The following CLTB variants were observed in gnomAD, a reference collection of about 807,000 sequenced individuals.
The protein encoded by CLTB is clathrin light chain B, also known as clathrin, light chain (Lcb).
A neutral mutation model predicts 30.5 loss-of-function variants in CLTB; 10 were observed. The ratio of observed to expected loss-of-function variants is 0.33; its 90% confidence interval spans 0.20 to 0.56. CLTB has a LOEUF of 0.56. Ranked by LOEUF, CLTB falls within the 20% of genes least tolerant of loss-of-function variation. The pLI, the probability that CLTB is intolerant of heterozygous loss-of-function variation, is 0.91. For synonymous variants in CLTB, 102 were observed against 120.3 expected (o/e 0.85, Z 1.00); for missense variants, 261 against 308.3 (o/e 0.85, Z 1.15).
At chr5:176,415,817 C>G (rs1361055756) in intron 1 of CLTB, among the ~76,000 whole-genome samples, 1 of 152,136 alleles carries the variant, frequency 6.6e-6, no homozygotes, top group Non-Finnish European at 1.5e-5. Context: ...CTGTGTTCTG[C>G]CCACACCTGC....
rs1007440063 is a variant in CLTB at position 176,392,671 on chromosome 5, G to C, written c.*103C>G. 2.2e-6 allele frequency: 3 copies of C among 1,350,786 alleles called. No individual in the cohort carries two copies. Among genetic ancestry groups the C allele is most frequent in the Non-Finnish European group, 3.1e-6 (3 of 970,956 alleles). The allele number at this position is 1,350,786 out of a possible 1,614,324, so 83.7% of individuals were successfully genotyped here. A position where few individuals can be genotyped will look rare whatever the true frequency, so the allele number is the denominator to read the frequency against. On this transcript the variant is annotated 3_prime_UTR_variant, in exon 6 of 6. Coordinates refer to ENST00000310418, the MANE Select transcript of CLTB (RefSeq NM_007097.5). The surrounding 1 kb of genome is among the most constrained non-coding windows in gnomAD (Gnocchi z 5.2). ...CTGGAGATGGGGAGGAGTGGAATAG[G>C]CTGTGGGTAGCAGCTGCTGCGAGTC...
At chr5:176,395,948 G>A (rs187092676) in intron 5 of CLTB, among the ~76,000 whole-genome samples, 194 of 152,126 alleles carry the variant, frequency 1.3e-3, no homozygotes, top group African/African-American at 4.4e-3. Flanking sequence ...CAGCCTGGCC[G>A]ACATGGTGAA....
intron 5 of CLTB, among the ~76,000 whole-genome samples, chr5:176,396,027 C>T (rs1418459578): frequency 3.3e-5 from 5 of 152,076 alleles, no homozygotes; most frequent in African/African-American, 9.7e-5. Flanking sequence ...CTCAGCTACT[C>T]GGGAGGCTGA....
intron 2 of CLTB, chr5:176,406,135 A>G (rs904619727): frequency 4.1e-6 from 4 of 986,424 alleles, no homozygotes; most frequent in Non-Finnish European, 3.6e-6. Context: ...CACGGGCCAC[A>G]ACTGGGCTCT....
In CLTB at chr5:176,416,244, G is replaced by A. The variant is rs374168717; in HGVS notation, c.120C>T (p.Asn40=). ...QQESEIAGIE[N]DEGFGAPAGS... ...CGGCAGGTGCCCCGAAGCCCTCGTC[G>A]TTCTCTATGCCTGCAATCTCGCTCT... The change falls in exon 1 of 6, where the codon AAC becomes AAT. Residue 40 remains asparagine, a synonymous_variant. Transcript: ENST00000310418. 86 of 1,600,782 alleles carry A rather than the reference G, an allele frequency of 5.4e-5. No homozygotes were observed. The highest frequency in any genetic ancestry group is 1.7e-4 in the Middle Eastern group (1 of 6,038).
intron 2 of CLTB, among the ~76,000 whole-genome samples, chr5:176,399,303 C>T (rs1484076465): frequency 6.6e-6 from 1 of 152,208 alleles, no homozygotes; most frequent in East Asian, 1.9e-4. Flanking sequence ...AGATATGCAG[C>T]ATGATCATAG....
intron 1 of CLTB, 35 bp from the exon 2 acceptor site, chr5:176,410,338 G>C: frequency 1.3e-6 from 2 of 1,599,846 alleles, no homozygotes; most frequent in Non-Finnish European, 1.7e-6. Flanking sequence ...ATTACTCACT[G>C]TTTAGCTTAT....
At chr5:176,406,602 C>T in intron 2 of CLTB, 1 of 1,289,304 alleles carries the variant, frequency 7.8e-7, no homozygotes, top group Middle Eastern at 2.1e-4. Flanking sequence ...GCCCTTCTGT[C>T]CCTGCCCCTG....
At chr5:176,400,465 C>T (rs1756763255) in intron 2 of CLTB, among the ~76,000 whole-genome samples, 1 of 152,148 alleles carries the variant, frequency 6.6e-6, no homozygotes, top group African/African-American at 2.4e-5. Flanking sequence ...CAGGCAGGGG[C>T]TCTGCTCACG....
chr5:176,393,737 T>C lies in CLTB; in HGVS notation c.519-792A>G, dbSNP rs934864886. 7.2e-5 allele frequency among the ~76,000 whole-genome samples: 11 copies of C among 152,162 alleles called. No homozygotes were observed. Among genetic ancestry groups the C allele is most frequent in the African/African-American group, 2.4e-4 (10 of 41,436 alleles). Reference sequence around the variant, plus strand: ...AAAACTGGCGGTCCTTCATCAGAAGTTCTGGTTGACAGTCACAGAAGCCAC... The same window carrying C: ...AAAACTGGCGGTCCTTCATCAGAAGCTCTGGTTGACAGTCACAGAAGCCAC... On this transcript the variant is annotated intron_variant, in intron 5 of 5. Coordinates refer to ENST00000310418, the MANE Select transcript of CLTB (RefSeq NM_007097.5). This position sits in a 1 kb window ranked among gnomAD's most constrained non-coding sequence, Gnocchi z 4.4.
At chr5:176,395,469 G>T (rs1472445331) in intron 5 of CLTB, among the ~76,000 whole-genome samples, 7 of 152,234 alleles carry the variant, frequency 4.6e-5, no homozygotes, top group Non-Finnish European at 8.8e-5. Flanking sequence ...AGGCTCTGGT[G>T]TGCTCTGTGC....
Position 176,396,532 on chromosome 5 carries a change from C to A in CLTB, c.465G>T (p.Arg155=). 6.2e-7 allele frequency: 1 copy of A among 1,612,982 alleles called. No homozygotes were observed. The highest frequency in any genetic ancestry group is 8.5e-7 in the Non-Finnish European group (1 of 1,179,448). The change falls in exon 5 of 6, where the codon CGG becomes CGT. Residue 155 remains arginine, a splice_region_variant and synonymous_variant. Transcript: ENST00000310418. ...EQVEKNKINN[R]IADKAFYQQP... is the part of the protein sequence containing the mutation. ...GCTGGTAGAATGCTTTGTCAGCGAT[C>A]CTTGAGGGAAAGGTTGAGGGAAGGG... is the stretch of plus-strand genomic sequence containing the variant.
chr5:176,416,141 G>T, intron 1 of CLTB, 36 bp downstream of exon 1: 1 of 1,480,712 alleles, frequency 6.8e-7, no homozygotes, highest in Non-Finnish European at 8.9e-7. Flanking sequence ...CCGGGTGCGC[G>T]CCCTGAGCCC....
At position 176,397,911 on chromosome 5, in the gene CLTB, G is replaced by A. The variant is rs769658915; in HGVS notation, c.352+19C>T. The A allele has an allele frequency of 1.4e-5, 23 of 1,600,164 alleles. No individual in the cohort carries two copies. In the South Asian group the frequency reaches 1.8e-4, roughly 12 times the overall value. On this transcript the variant is annotated intron_variant, in intron 3 of 5. Transcript: ENST00000310418. ...ACACACAGCCCACCCAGCCAACCCC[G>A]CCTCAGCCCCGCCCTCACCCAGCTC...
chr5:176,392,668 T>C lies in CLTB; in HGVS notation c.*106A>G. 6.0e-6 allele frequency: 8 copies of C among 1,325,630 alleles called. No homozygotes were observed. Among genetic ancestry groups the C allele is most frequent in the Non-Finnish European group, 8.4e-6 (8 of 950,930 alleles). The allele number at this position is 1,325,630 out of a possible 1,614,324, so 82.1% of individuals were successfully genotyped here. ...CGCCTGGAGATGGGGAGGAGTGGAA[T>C]AGGCTGTGGGTAGCAGCTGCTGCGA... On this transcript the variant is annotated 3_prime_UTR_variant, in exon 6 of 6. Coordinates refer to ENST00000310418, the MANE Select transcript of CLTB (RefSeq NM_007097.5). This position sits in a 1 kb window ranked among gnomAD's most constrained non-coding sequence, Gnocchi z 5.2.
intron 2 of CLTB, among the ~76,000 whole-genome samples, chr5:176,406,989 A>G (rs1031459114): frequency 1.3e-5 from 2 of 151,954 alleles, no homozygotes; most frequent in Admixed American, 6.6e-5. Flanking sequence ...CTCATCTGTG[A>G]CCCTGCCCTG....
intron 2 of CLTB, among the ~76,000 whole-genome samples, chr5:176,402,788 C>A: frequency 6.6e-6 from 1 of 152,176 alleles, no homozygotes; most frequent in East Asian, 1.9e-4. Context: ...GTGAACCTTG[C>A]TGGAACACAG....
chr5:176,413,552 G>T (rs985602884), intron 1 of CLTB, among the ~76,000 whole-genome samples: 1 of 152,238 alleles, frequency 6.6e-6, no homozygotes, highest in Non-Finnish European at 1.5e-5. Flanking sequence ...ACTGAGCCCA[G>T]TGTCAGCACA....
rs1359259718 is a variant in CLTB at position 176,406,292 on chromosome 5, G to T, written c.234+3965C>A. On this transcript the variant is annotated intron_variant, in intron 2 of 5. Transcript: ENST00000310418. ...GGGGCAGGAATGGCCAGGACCAGAA[G>T]GCAGGAGGCGACAGTCAGGGCCAGG... 1.0e-5 allele frequency: 11 copies of T among 1,056,676 alleles called. No homozygotes were observed. In the Admixed American group the frequency reaches 2.1e-4, roughly 20 times the overall value. 65.5% of individuals were successfully genotyped at this position (1,056,676 alleles called of 1,614,324 possible).
Sources: allele counts gnomAD v4.1 joint callset (sites outside exome capture counted in the v4.1 genomes callset), GRCh38; gene constraint gnomAD v4.1.1; non-coding constraint Gnocchi (gnomAD v3.1); transcripts MANE v1.5; gene names NCBI Gene and HGNC (gene_info 2026-07-23, HGNC 2026-07-21).